ZNF804B: variants seen among roughly 807,000 people sequenced by gnomAD.
The protein encoded by ZNF804B is zinc finger protein 804B.
Under a neutral mutation model 101.4 loss-of-function variants are expected in ZNF804B, and 80 were observed. The observed-to-expected ratio is 0.79, with a 90% CI of 0.66 to 0.95. The LOEUF (loss-of-function observed/expected upper bound fraction) is 0.95. ZNF804B is among the 40% of genes least tolerant of loss of function. The pLI, the probability that ZNF804B is intolerant of heterozygous loss-of-function variation, is 0.00. For missense variants in ZNF804B, 1,673 were observed against 1,561.9 expected, an observed-to-expected ratio of 1.07 and a Z score of -1.20; for synonymous variants, 622 against 558.8, an observed-to-expected ratio of 1.11 and a Z score of -1.59.
At chr7:88,921,759 A>G (rs1376281539) in intron 1 of ZNF804B, among the ~76,000 whole-genome samples, 3 of 152,044 alleles carry the variant, frequency 2.0e-5, no homozygotes, top group Admixed American at 2.0e-4. Context: ...ACTAGCTTCC[A>G]AAGTCTTTCT....
chr7:88,966,026 T>A (rs560743548), intron 1 of ZNF804B, among the ~76,000 whole-genome samples: 1 of 151,594 alleles, frequency 6.6e-6, no homozygotes, highest in East Asian at 2.0e-4. Flanking sequence ...GTGGGAATTG[T>A]CAAATTCTAT....
rs538820721 is a variant in ZNF804B at position 88,774,184 on chromosome 7, TG to T, written c.108+14101del. Among the ~76,000 whole-genome samples, 4 of 150,062 alleles carry T rather than the reference TG, an allele frequency of 2.7e-5. No individual in the cohort carries two copies. The South Asian group carries it at 8.4e-4, about 32-fold the overall frequency. On this transcript the variant is annotated intron_variant, in intron 1 of 3. Transcript: ENST00000333190. ...TTTTTATCTAGAGACTTTTCAATTT[TG>T]CTCTTTTGTTTTTTAAGTTTTTTTT...
At chr7:89,004,519 G>A (rs1478018221) in intron 1 of ZNF804B, among the ~76,000 whole-genome samples, 1 of 151,778 alleles carries the variant, frequency 6.6e-6, no homozygotes, top group African/African-American at 2.4e-5. Flanking sequence ...GTTGTATTAT[G>A]TTAGGCTATA....
intron 3 of ZNF804B, among the ~76,000 whole-genome samples, chr7:89,329,971 G>A (rs2115988971): frequency 6.6e-6 from 1 of 151,736 alleles, no homozygotes; most frequent in Non-Finnish European, 1.5e-5. Flanking sequence ...TTGAACAGGA[G>A]AGAATCAAAA....
At chr7:88,978,820 C>CTCCCTCCT (rs1275331332) in intron 1 of ZNF804B, among the ~76,000 whole-genome samples, 1 of 148,380 alleles carries the variant, frequency 6.7e-6, no homozygotes, top group African/African-American at 2.5e-5. Context: ...CCCTCCCTCC[C>CTCCCTCCT]TCCTTCCTTC....
intron 1 of ZNF804B, among the ~76,000 whole-genome samples, chr7:89,067,828 C>CTTTTTT (rs112256863): frequency 2.3e-5 from 3 of 132,784 alleles, no homozygotes; most frequent in African/African-American, 5.7e-5. Flanking sequence ...CTTTTCTTTT[C>CTTTTTT]TTTTTTTTTT....
At chr7:89,055,531 G>A (rs1789277927) in intron 1 of ZNF804B, among the ~76,000 whole-genome samples, 1 of 151,980 alleles carries the variant, frequency 6.6e-6, no homozygotes, top group African/African-American at 2.4e-5. Flanking sequence ...TGGGATGGAA[G>A]GTTAATCACA....
intron 2 of ZNF804B, among the ~76,000 whole-genome samples, chr7:89,256,728 C>CATAAACATCCAAAACA (rs1789636817): frequency 6.6e-6 from 1 of 152,124 alleles, no homozygotes; most frequent in Non-Finnish European, 1.5e-5. Context: ...AACAACACAT[C>CATAAACATCCAAAACA]TAGGCTTGCT....
At chr7:89,282,479 G>A (rs1790115697) in intron 2 of ZNF804B, among the ~76,000 whole-genome samples, 1 of 152,054 alleles carries the variant, frequency 6.6e-6, no homozygotes, top group Non-Finnish European at 1.5e-5. Context: ...TCCACTCAAC[G>A]TGAACCTCAA....
intron 1 of ZNF804B, among the ~76,000 whole-genome samples, chr7:89,143,266 T>C (rs1033541325): frequency 6.6e-6 from 1 of 151,824 alleles, no homozygotes; most frequent in African/African-American, 2.4e-5. Flanking sequence ...GTTAGGGGAT[T>C]TCCACCTGTG....
chr7:89,121,899 G>C (rs982604303), intron 1 of ZNF804B, among the ~76,000 whole-genome samples: 3 of 152,196 alleles, frequency 2.0e-5, no homozygotes, highest in South Asian at 2.1e-4. Flanking sequence ...GGGTCTGTGA[G>C]TGTTGGATAT....
At chr7:88,842,374 C>G (rs1217658363) in intron 1 of ZNF804B, among the ~76,000 whole-genome samples, 2 of 152,144 alleles carry the variant, frequency 1.3e-5, no homozygotes, top group Non-Finnish European at 2.9e-5. Flanking sequence ...TGGAACACTG[C>G]CAACTCTGTT....
chr7:89,029,687 T>C (rs550413559), intron 1 of ZNF804B, among the ~76,000 whole-genome samples: 2 of 152,308 alleles, frequency 1.3e-5, no homozygotes, highest in South Asian at 2.1e-4. Context: ...GTCATTCTTA[T>C]GGTCATCAGA....
intron 1 of ZNF804B, among the ~76,000 whole-genome samples, chr7:89,017,153 A>G (rs909357810): frequency 1.3e-5 from 2 of 152,268 alleles, no homozygotes; most frequent in African/African-American, 4.8e-5. Context: ...CTATTGGTGT[A>G]TAAGAATGCT....
intron 1 of ZNF804B, among the ~76,000 whole-genome samples, chr7:88,972,515 C>A (rs1032394927): frequency 1.3e-5 from 2 of 151,262 alleles, no homozygotes; most frequent in African/African-American, 4.8e-5. Flanking sequence ...AGCCTATGTA[C>A]TTAATGAAGA....
intron 1 of ZNF804B, among the ~76,000 whole-genome samples, chr7:89,127,419 A>G (rs1790489467): frequency 6.6e-6 from 1 of 151,802 alleles, no homozygotes; most frequent in Non-Finnish European, 1.5e-5. Context: ...TTAAGTGAAA[A>G]ATCTCTGAAG....
At chr7:89,198,220 G>T (rs1030460935) in intron 1 of ZNF804B, among the ~76,000 whole-genome samples, 4 of 151,806 alleles carry the variant, frequency 2.6e-5, no homozygotes, top group Non-Finnish European at 4.4e-5. Context: ...CACACATATG[G>T]AGTCATATGT....
rs554307722 is a variant in ZNF804B, at chr7:88,768,756, AT to A, written c.108+8673del. Among the ~76,000 whole-genome samples the A allele has an allele frequency of 1.4e-3, 208 of 152,274 alleles. 2 individuals are homozygous for A. Among genetic ancestry groups the A allele is most frequent in the African/African-American group, 4.9e-3 (203 of 41,558 alleles). On this transcript the variant is annotated intron_variant, in intron 1 of 3. Coordinates refer to ENST00000333190, the MANE Select transcript of ZNF804B (RefSeq NM_181646.5). ...ACAAAACTTACAAATACTGATTTTT[AT>A]GTGTTCAGTTTCTATGATATATTAT...
chr7:89,298,212 GTGTGTATATATATATA>G lies in ZNF804B; in HGVS notation c.250-29130_250-29115del, dbSNP rs1313721619. Among the ~76,000 whole-genome samples, 13 of 65,274 alleles carry G rather than the reference GTGTGTATATATATATA, an allele frequency of 2.0e-4. 2 individuals are homozygous for G. The East Asian group carries it at 7.1e-3, about 36-fold the overall frequency. 42.8% of individuals were successfully genotyped at this position (65,274 alleles called of 152,430 possible). ...ATATATATCTATATAGTGTGTGTGT[GTGTGTATATATATATA>G]TATATATATATATATATATATATAT... On this transcript the variant is annotated intron_variant, in intron 2 of 3. Transcript: ENST00000333190.
Sources: gnomAD v4.1 joint callset for allele counts (sites outside exome capture counted in the v4.1 genomes callset) on GRCh38, gnomAD v4.1.1 for gene constraint, MANE v1.5 for transcripts, NCBI Gene and HGNC (gene_info 2026-07-23, HGNC 2026-07-21) for gene names.